TLE4: variants seen among roughly 807,000 people sequenced by gnomAD.
The protein encoded by TLE4 is transducin-like enhancer protein 4.
In TLE4, 8 loss-of-function variants were observed where a neutral mutation model predicts 92.8. That is an observed-to-expected ratio of 0.09 (90% CI 0.05 to 0.16). The LOEUF (loss-of-function observed/expected upper bound fraction) is 0.16, where lower values mean the gene tolerates loss of function less well. Ranked by LOEUF, TLE4 falls within the 10% of genes least tolerant of loss-of-function variation. The probability of loss-of-function intolerance (pLI) is 1.00; values close to 1 mark genes in which losing one functional copy is unlikely to be tolerated. For synonymous variants in TLE4, 371 were observed against 374.1 expected (o/e 0.99, Z 0.10); for missense variants, 675 against 997.6 (o/e 0.68, Z 4.36).
chr9:79,703,012 G>GT (rs992772584), intron 8 of TLE4, among the ~76,000 whole-genome samples: 32 of 151,416 alleles, frequency 2.1e-4, no homozygotes, highest in African/African-American at 7.3e-4. Flanking sequence ...CGTAAATGTT[G>GT]TATGTTTTTA....
intron 6 of TLE4, among the ~76,000 whole-genome samples, chr9:79,639,064 AT>A (rs1294297729): frequency 6.6e-6 from 1 of 152,066 alleles, no homozygotes; most frequent in Non-Finnish European, 1.5e-5. Context: ...TGGAGAGAGA[AT>A]TATCCTCCCT....
chr9:79,693,501 T>A (rs578081639), intron 8 of TLE4: 2 of 324,064 alleles, frequency 6.2e-6, no homozygotes, highest in Non-Finnish European at 1.2e-5. Context: ...TCTTCTGCGT[T>A]TCAATTACTA....
Position 79,681,832 on chromosome 9 carries a change from ATGTGTGTG to A in TLE4, c.610-22927_610-22920del, listed in dbSNP as rs35005870. ...AGAGAGAGAGAGAGAGAGTGTGTGC[ATGTGTGTG>A]TGTGTGTGTGTGTGTGTGTGTGTAT... On this transcript the variant is annotated intron_variant, in intron 8 of 19. Transcript: ENST00000376552. 4.0e-3 allele frequency among the ~76,000 whole-genome samples: 564 copies of A among 141,690 alleles called. 4 individuals are homozygous for A. Among genetic ancestry groups the A allele is most frequent in the African/African-American group, 0.012 (460 of 38,070 alleles). The allele number at this position is 141,690 out of a possible 152,430, so 93.0% of individuals were successfully genotyped here.
In TLE4 at chr9:79,642,519, C is replaced by A. The variant is rs369891411; in HGVS notation, c.391-10074C>A. ...TGGTGACTTTAAAGACTAAAACTTA[C>A]AAAATAGAACCATTGGTATCAGTAA... is the stretch of plus-strand genomic sequence containing the variant. On this transcript the variant is annotated intron_variant, in intron 6 of 19. Transcript: ENST00000376552. Among the ~76,000 whole-genome samples, 6 of 151,990 alleles carry A rather than the reference C, an allele frequency of 3.9e-5. No homozygotes were observed. In the East Asian group the frequency reaches 9.7e-4, roughly 24 times the overall value.
intron 4 of TLE4, among the ~76,000 whole-genome samples, chr9:79,589,688 T>G (rs1384379692): frequency 6.6e-6 from 1 of 152,158 alleles, no homozygotes; most frequent in African/African-American, 2.4e-5. Context: ...TTATTAGCCT[T>G]CCTTTGTCCA....
At chr9:79,628,525 A>G (rs1453788420) in intron 6 of TLE4, among the ~76,000 whole-genome samples, 1 of 151,724 alleles carries the variant, frequency 6.6e-6, no homozygotes, top group African/African-American at 2.4e-5. Flanking sequence ...CCATAGTCTG[A>G]TTGTAGCTTG....
chr9:79,578,327 G>T (rs2038582868), intron 4 of TLE4, among the ~76,000 whole-genome samples: 2 of 152,150 alleles, frequency 1.3e-5, no homozygotes, highest in Non-Finnish European at 1.5e-5. Context: ...GGAGTCCCGG[G>T]AGCCCTTGGA....
chr9:79,706,683 C>T (rs1452532500), intron 10 of TLE4, 64 bp from the exon 11 acceptor site: 3 of 1,553,072 alleles, frequency 1.9e-6, no homozygotes, highest in Non-Finnish European at 2.6e-6. Context: ...AATGTCCACA[C>T]CCAACAACCC....
At chr9:79,598,091 A>C (rs1564261435) in intron 4 of TLE4, among the ~76,000 whole-genome samples, 1 of 150,802 alleles carries the variant, frequency 6.6e-6, no homozygotes, top group African/African-American at 2.4e-5. Context: ...AAAAAAAAAA[A>C]AAAAAAACTT....
intron 8 of TLE4, among the ~76,000 whole-genome samples, chr9:79,656,148 A>G (rs1253042799): frequency 6.6e-6 from 1 of 152,194 alleles, no homozygotes; most frequent in Non-Finnish European, 1.5e-5. Context: ...TAGTTCTACA[A>G]GGTGAGATAG....
At chr9:79,688,342 A>T (rs1430706946) in intron 8 of TLE4, among the ~76,000 whole-genome samples, 1 of 152,018 alleles carries the variant, frequency 6.6e-6, no homozygotes, top group East Asian at 1.9e-4. Context: ...CCTTCATTTC[A>T]CAGTAATGGT....
intron 6 of TLE4, 58 bp downstream of exon 6, chr9:79,627,506 C>T: frequency 6.5e-7 from 1 of 1,546,202 alleles, no homozygotes; most frequent in South Asian, 1.1e-5. Context: ...CTCTCTCGCT[C>T]TCTCTTTTTA....
intron 6 of TLE4, among the ~76,000 whole-genome samples, chr9:79,651,670 G>A (rs551212377): frequency 9.7e-4 from 148 of 152,298 alleles, no homozygotes; most frequent in Non-Finnish European, 1.6e-3. Context: ...GAGGACCCAA[G>A]CCTTGCTACA....
intron 4 of TLE4, among the ~76,000 whole-genome samples, chr9:79,585,840 T>TC (rs1470663033): frequency 6.6e-6 from 1 of 151,986 alleles, no homozygotes; most frequent in Admixed American, 6.6e-5. Flanking sequence ...AATAAAGCAT[T>TC]CCCCCCGTCC....
intron 12 of TLE4, 63 bp from the exon 13 acceptor site, chr9:79,708,530 A>G: frequency 6.9e-7 from 1 of 1,454,050 alleles, no homozygotes; most frequent in Non-Finnish European, 9.4e-7. Flanking sequence ...TGACATGTTT[A>G]CAAATGTCTT....
At chr9:79,707,122 G>C in intron 11 of TLE4, 1 of 1,612,942 alleles carries the variant, frequency 6.2e-7, no homozygotes, top group South Asian at 1.1e-5. Flanking sequence ...TGCAAGGATA[G>C]AAGAGGGATA....
intron 8 of TLE4, among the ~76,000 whole-genome samples, chr9:79,659,428 C>A (rs762287039): frequency 2.2e-4 from 34 of 151,840 alleles, no homozygotes; most frequent in Non-Finnish European, 2.9e-4. Flanking sequence ...AACCATAATG[C>A]CTTTAATCAC....
intron 8 of TLE4, among the ~76,000 whole-genome samples, chr9:79,699,167 A>G (rs917331164): frequency 3.3e-5 from 5 of 152,164 alleles, no homozygotes; most frequent in Admixed American, 2.6e-4. Context: ...ATTCATGACT[A>G]TAGAGTCACC....
chr9:79,582,230 G>A (rs7029344), intron 4 of TLE4, among the ~76,000 whole-genome samples: 1 of 152,144 alleles, frequency 6.6e-6, no homozygotes, highest in Non-Finnish European at 1.5e-5. Context: ...TTAAATGAAG[G>A]CAGATGTTTT....
Sources: allele counts gnomAD v4.1 joint callset (sites outside exome capture counted in the v4.1 genomes callset), GRCh38; gene constraint gnomAD v4.1.1; transcripts MANE v1.5; gene names NCBI Gene and HGNC (gene_info 2026-07-23, HGNC 2026-07-21).